The following TNRC6B variants were observed in gnomAD, a reference collection of about 807,000 sequenced individuals.
TNRC6B encodes the protein trinucleotide repeat containing adaptor 6B.
TNRC6B carries 52 observed loss-of-function variants against 203.6 expected under a neutral mutation model. The observed-to-expected ratio is 0.26, with a 90% CI of 0.20 to 0.32. TNRC6B has a LOEUF of 0.32. TNRC6B is among the 10% of genes least tolerant of loss of function. The pLI is 1.00. For synonymous variants in TNRC6B, 838 were observed against 845.7 expected (o/e 0.99, Z 0.16); for missense variants, 1,923 against 2,286.2 (o/e 0.84, Z 3.24).
chr22:40,118,898 A>G (rs970420002), intron 2 of TNRC6B, among the ~76,000 whole-genome samples: 1 of 152,256 alleles, frequency 6.6e-6, no homozygotes, highest in Non-Finnish European at 1.5e-5. Context: ...ATTGGAAAGT[A>G]GGGTCTCCCC....
chr22:40,307,663 T>C (rs1272812903), intron 15 of TNRC6B, among the ~76,000 whole-genome samples: 2 of 151,874 alleles, frequency 1.3e-5, no homozygotes, highest in African/African-American at 2.4e-5. Flanking sequence ...TACCTGGGGC[T>C]CTTGGCAAAG....
intron 1 of TNRC6B, among the ~76,000 whole-genome samples, chr22:40,069,266 G>A (rs1325730682): frequency 1.3e-5 from 2 of 151,518 alleles, no homozygotes; most frequent in East Asian, 3.9e-4. Flanking sequence ...CAGGTTGACT[G>A]ATATAAAATT....
chr22:40,049,886 G>T (rs1438360556), intron 1 of TNRC6B, among the ~76,000 whole-genome samples: 2 of 152,256 alleles, frequency 1.3e-5, no homozygotes, highest in East Asian at 3.9e-4. Context: ...TTACAGGCAT[G>T]AGCCACCGCG....
chr22:40,332,073 TC>T lies in TNRC6B; in HGVS notation c.*8834del, dbSNP rs1239959619. The T allele has an allele frequency of 1.2e-5, 2 of 160,440 alleles. No individual in the cohort carries two copies. The highest frequency in any genetic ancestry group is 2.7e-5 in the Non-Finnish European group (2 of 73,326). 9.9% of individuals were successfully genotyped at this position (160,440 alleles called of 1,614,324 possible). On this transcript the variant is annotated 3_prime_UTR_variant, in exon 23 of 23. Coordinates refer to ENST00000454349, the MANE Select transcript of TNRC6B (RefSeq NM_001162501.2). ...TTCTCTGGAAAAAGTACTCATCCTT[TC>T]CTGAATTCAGAGCCCTTCAAGCTCA... is the stretch of plus-strand genomic sequence containing the variant.
chr22:40,255,723 A>G (rs529020853), intron 3 of TNRC6B, among the ~76,000 whole-genome samples: 2 of 152,260 alleles, frequency 1.3e-5, no homozygotes, highest in African/African-American at 2.4e-5. Context: ...TCCTTGCCCA[A>G]TCTGGCCCGA....
chr22:40,187,065 G>T (rs543748461), intron 1 of TNRC6B, among the ~76,000 whole-genome samples: 1 of 152,164 alleles, frequency 6.6e-6, no homozygotes, highest in African/African-American at 2.4e-5. Context: ...GGAAATGTCA[G>T]TTTTTAAATT....
chr22:40,319,184 C>G lies in TNRC6B; in HGVS notation c.4975-1906C>G, dbSNP rs140081029. On this transcript the variant is annotated intron_variant, in intron 21 of 22. Coordinates refer to ENST00000454349, the MANE Select transcript of TNRC6B (RefSeq NM_001162501.2). Reference sequence around the variant, plus strand: ...AAGCTTCCTAAAAGCAGACTAATCTCTATCATAGCTTAAAAGGTTATAAGA... The same window carrying G: ...AAGCTTCCTAAAAGCAGACTAATCTGTATCATAGCTTAAAAGGTTATAAGA... Among the ~76,000 whole-genome samples the G allele has an allele frequency of 2.2e-3, 341 of 151,926 alleles. 1 individual carries two copies. The highest frequency in any genetic ancestry group is 7.9e-3 in the African/African-American group (327 of 41,408).
intron 1 of TNRC6B, among the ~76,000 whole-genome samples, chr22:40,215,523 C>T (rs1233733790): frequency 6.6e-6 from 1 of 152,210 alleles, no homozygotes; most frequent in Non-Finnish European, 1.5e-5. Flanking sequence ...CCCACAGCAG[C>T]AGCAGTTCCT....
chr22:40,326,019 A>C lies in TNRC6B; in HGVS notation c.*2778A>C, dbSNP rs1031765914. ...TCATAAGCTTAAAGGGAAAAAAACT[A>C]AAAACTTTAAAAAAAAAAGACCAAA... On this transcript the variant is annotated 3_prime_UTR_variant, in exon 23 of 23. Transcript: ENST00000454349. The C allele has an allele frequency of 6.6e-6, 1 of 152,424 alleles. No homozygotes were observed. The highest frequency in any genetic ancestry group is 6.5e-5 in the Admixed American group (1 of 15,270). The allele number at this position is 152,424 out of a possible 1,614,324, so 9.4% of individuals were successfully genotyped here. A position where few individuals can be genotyped will look rare whatever the true frequency, so the allele number is the denominator to read the frequency against.
At chr22:40,093,940 T>C (rs1402501727) in intron 1 of TNRC6B, among the ~76,000 whole-genome samples, 1 of 152,118 alleles carries the variant, frequency 6.6e-6, no homozygotes, top group Non-Finnish European at 1.5e-5. Flanking sequence ...TATTTCAAAA[T>C]AACTGGAAGA....
intron 16 of TNRC6B, among the ~76,000 whole-genome samples, chr22:40,310,059 G>T (rs1418839610): frequency 6.6e-6 from 1 of 152,216 alleles, no homozygotes; most frequent in Non-Finnish European, 1.5e-5. Context: ...CAAAGTGCAT[G>T]TTCTGTTAGT....
chr22:40,210,500 C>T (rs1474078145), intron 1 of TNRC6B, among the ~76,000 whole-genome samples: 1 of 152,160 alleles, frequency 6.6e-6, no homozygotes, highest in Non-Finnish European at 1.5e-5. Flanking sequence ...TCAGTTTCTG[C>T]TTCTCTATTC....
Position 40,170,584 on chromosome 22 carries a change from A to AT in TNRC6B, c.113+14403dup. On this transcript the variant is annotated intron_variant, in intron 4 of 23. Coordinates refer to the TNRC6B transcript ENST00000301923. Reference sequence around the variant, plus strand: ...TATATATATTATATATATAGTTTATATATATATTATATATAGTTTATATAT... The same window carrying AT: ...TATATATATTATATATATAGTTTATATTATATATTATATATAGTTTATATAT... 5.4e-5 allele frequency among the ~76,000 whole-genome samples: 2 copies of AT among 37,108 alleles called. 1 individual carries two copies. Among genetic ancestry groups the AT allele is most frequent in the Admixed American group, 7.2e-4 (2 of 2,794 alleles). The allele number at this position is 37,108 out of a possible 152,430, so 24.3% of individuals were successfully genotyped here. A position where few individuals can be genotyped will look rare whatever the true frequency, so the allele number is the denominator to read the frequency against.
intron 1 of TNRC6B, among the ~76,000 whole-genome samples, chr22:40,081,031 T>C (rs916976996): frequency 6.6e-5 from 10 of 152,000 alleles, no homozygotes; most frequent in African/African-American, 2.4e-4. Context: ...AATTTTTGCA[T>C]TTTTAGTGTG....
chr22:40,312,954 C>T lies in TNRC6B; in HGVS notation c.4635C>T (p.Tyr1545=). The change falls in exon 19 of 23, where the codon TAC becomes TAT. Residue 1545 remains tyrosine, a synonymous_variant. Coordinates refer to ENST00000454349, the MANE Select transcript of TNRC6B (RefSeq NM_001162501.2). ...TGCCTTCACCTGGTGCCTGGCCCTA[C>T]AGTGCCTCTGACAACTCCTTTACCA... The part of the protein sequence containing the change: ...TSLPSPGAWP[Y]SASDNSFTNV... 2 of 1,613,888 alleles carry T rather than the reference C, an allele frequency of 1.2e-6. No homozygotes were observed. Among genetic ancestry groups the T allele is most frequent in the Non-Finnish European group, 1.7e-6 (2 of 1,179,856 alleles).
chr22:40,100,067 ATTAT>A (rs34836211), intron 1 of TNRC6B, among the ~76,000 whole-genome samples: 28,420 of 111,514 alleles, frequency 0.25, 3,380 homozygotes, highest in South Asian at 0.38. Context: ...TTTTATTTTT[ATTAT>A]TTATTTATTT....
In TNRC6B at chr22:40,247,500, A is replaced by G. The variant is rs371674155; in HGVS notation, c.93+1398A>G. On this transcript the variant is annotated intron_variant, in intron 2 of 22. Coordinates refer to ENST00000454349, the MANE Select transcript of TNRC6B (RefSeq NM_001162501.2). ...GAAAAATTCTGAAAATAGTTTCTGA[A>G]TTGGATTGCATATGTCCCTGCTATG... Among the ~76,000 whole-genome samples the G allele has an allele frequency of 2.0e-5, 3 of 152,332 alleles. No individual in the cohort carries two copies. The South Asian group carries it at 6.2e-4, about 32-fold the overall frequency.
intron 1 of TNRC6B, among the ~76,000 whole-genome samples, chr22:40,198,402 C>T (rs1037265492): frequency 5.9e-5 from 9 of 151,746 alleles, no homozygotes; most frequent in Admixed American, 4.6e-4. Context: ...TCTTTTCCTT[C>T]CTGAACAGTT....
intron 1 of TNRC6B, among the ~76,000 whole-genome samples, chr22:40,219,085 A>G (rs1020525841): frequency 3.9e-5 from 6 of 152,188 alleles, no homozygotes; most frequent in Admixed American, 6.5e-5. Context: ...GCTGTTACCT[A>G]ATGAAAAGTC....
Sources: gnomAD v4.1 joint callset for allele counts (sites outside exome capture counted in the v4.1 genomes callset) on GRCh38, gnomAD v4.1.1 for gene constraint, MANE v1.5 for transcripts, NCBI Gene and HGNC (gene_info 2026-07-23, HGNC 2026-07-21) for gene names.